Variants in ADGRB3 observed in about 807,000 individuals in gnomAD.
ADGRB3 encodes the protein brain-specific angiogenesis inhibitor 3.
ADGRB3 carries 37 observed loss-of-function variants against 193.4 expected under a neutral mutation model. That is an observed-to-expected ratio of 0.19 (90% CI 0.15 to 0.25). The LOEUF (loss-of-function observed/expected upper bound fraction) is 0.25, where lower values mean the gene tolerates loss of function less well. Ranked by LOEUF, ADGRB3 falls within the 10% of genes least tolerant of loss-of-function variation. ADGRB3 has a pLI of 1.00. For missense variants in ADGRB3, 1,637 were observed against 1,852.9 expected, an observed-to-expected ratio of 0.88 and a Z score of 2.14; for synonymous variants, 690 against 644.2, an observed-to-expected ratio of 1.07 and a Z score of -1.08.
Position 69,275,822 on chromosome 6 carries a change from G to C in ADGRB3, c.2814+36596G>C, listed in dbSNP as rs183838171. Reference sequence around the variant, plus strand: ...AAATACTTACTTATGATAGCCTCTTGAGTGTTTTGAGACTAATGGAATTTC... The same window carrying C: ...AAATACTTACTTATGATAGCCTCTTCAGTGTTTTGAGACTAATGGAATTTC... On this transcript the variant is annotated intron_variant, in intron 20 of 31. Transcript: ENST00000370598. 1.4e-3 allele frequency among the ~76,000 whole-genome samples: 212 copies of C among 152,148 alleles called. 1 individual carries two copies. The highest frequency in any genetic ancestry group is 4.8e-3 in the African/African-American group (200 of 41,518).
chr6:68,691,777 A>G (rs555275582), intron 3 of ADGRB3, among the ~76,000 whole-genome samples: 1 of 151,800 alleles, frequency 6.6e-6, no homozygotes, highest in Non-Finnish European at 1.5e-5. Flanking sequence ...AGCATTTGTT[A>G]AAGTACCAAT....
chr6:69,000,242 A>G (rs957215353), intron 11 of ADGRB3, among the ~76,000 whole-genome samples: 1 of 152,240 alleles, frequency 6.6e-6, no homozygotes, highest in African/African-American at 2.4e-5. Flanking sequence ...TGTGATAGGT[A>G]TAGTCTATAA....
intron 17 of ADGRB3, among the ~76,000 whole-genome samples, chr6:69,141,066 ATGAAG>A (rs1048735386): frequency 6.6e-6 from 1 of 150,684 alleles, no homozygotes; most frequent in African/African-American, 2.4e-5. Context: ...GAGAAAAAAA[ATGAAG>A]TGAAAGAAAG....
chr6:69,127,586 TAA>T (rs1287381784), intron 17 of ADGRB3, among the ~76,000 whole-genome samples: 1 of 152,196 alleles, frequency 6.6e-6, no homozygotes, highest in Non-Finnish European at 1.5e-5. Context: ...GGATAAAATA[TAA>T]ATTACTCAAA....
chr6:68,981,842 TTTG>T (rs1242491665), intron 10 of ADGRB3, among the ~76,000 whole-genome samples: 2 of 144,686 alleles, frequency 1.4e-5, no homozygotes, highest in African/African-American at 5.2e-5. Context: ...CAATACCTAT[TTTG>T]TTATTTATTT....
At chr6:69,186,708 CT>C (rs1268343396) in intron 17 of ADGRB3, among the ~76,000 whole-genome samples, 1 of 152,132 alleles carries the variant, frequency 6.6e-6, no homozygotes, top group African/African-American at 2.4e-5. Flanking sequence ...TTCCTCAAAT[CT>C]GTCTTTCAGA....
intron 3 of ADGRB3, among the ~76,000 whole-genome samples, chr6:68,861,606 C>T (rs766506156): frequency 1.3e-5 from 2 of 152,124 alleles, no homozygotes; most frequent in Non-Finnish European, 2.9e-5. Context: ...TGTCAGTATA[C>T]AACAGTTATG....
intron 20 of ADGRB3, among the ~76,000 whole-genome samples, chr6:69,271,098 T>C (rs1411919525): frequency 6.6e-6 from 1 of 152,136 alleles, no homozygotes; most frequent in South Asian, 2.1e-4. Flanking sequence ...ATTGTTCTGT[T>C]AAAAATAAGA....
At chr6:68,679,938 C>G (rs1212098456) in intron 3 of ADGRB3, among the ~76,000 whole-genome samples, 1 of 152,026 alleles carries the variant, frequency 6.6e-6, no homozygotes, top group Non-Finnish European at 1.5e-5. Flanking sequence ...AAGTCCTAAT[C>G]CCAACGGAAG....
At chr6:68,897,816 AAAGG>A (rs1766279305) in intron 3 of ADGRB3, among the ~76,000 whole-genome samples, 2 of 150,476 alleles carry the variant, frequency 1.3e-5, no homozygotes, top group Non-Finnish European at 3.0e-5. Flanking sequence ...AGAAAGAAGA[AAAGG>A]AAGGAAGGAG....
chr6:68,755,804 A>G (rs2127349017), intron 3 of ADGRB3, among the ~76,000 whole-genome samples: 1 of 152,300 alleles, frequency 6.6e-6, no homozygotes, highest in South Asian at 2.1e-4. Flanking sequence ...ATATTTTCTT[A>G]GGAATATACT....
chr6:69,276,197 T>C (rs1253204176), intron 20 of ADGRB3, among the ~76,000 whole-genome samples: 2 of 152,204 alleles, frequency 1.3e-5, no homozygotes, highest in Admixed American at 1.3e-4. Flanking sequence ...CGTATTTCTG[T>C]GAAATGTCTC....
chr6:69,333,963 A>G (rs1213706481), intron 24 of ADGRB3, among the ~76,000 whole-genome samples: 1 of 63,530 alleles, frequency 1.6e-5, no homozygotes, highest in Non-Finnish European at 3.2e-5. Flanking sequence ...AAATAAAATA[A>G]AATAAAATAA....
chr6:69,260,146 G>C (rs1280372929), intron 20 of ADGRB3, among the ~76,000 whole-genome samples: 1 of 152,132 alleles, frequency 6.6e-6, no homozygotes, highest in East Asian at 1.9e-4. Context: ...AGATTTGAAG[G>C]AGGAACACAT....
At chr6:68,697,933 TTAA>T (rs1765183241) in intron 3 of ADGRB3, among the ~76,000 whole-genome samples, 1 of 151,596 alleles carries the variant, frequency 6.6e-6, no homozygotes, top group Non-Finnish European at 1.5e-5. Flanking sequence ...TAAAATTGAA[TTAA>T]TAATATCTTT....
chr6:69,101,557 G>A (rs993702560), intron 17 of ADGRB3, among the ~76,000 whole-genome samples: 1 of 150,636 alleles, frequency 6.6e-6, no homozygotes, highest in African/African-American at 2.4e-5. Context: ...TTTTATTTAG[G>A]CTTTTATTTG....
At chr6:68,818,896 G>T (rs1323889647) in intron 3 of ADGRB3, among the ~76,000 whole-genome samples, 2 of 151,718 alleles carry the variant, frequency 1.3e-5, no homozygotes, top group Non-Finnish European at 2.9e-5. Context: ...CAATTTCAAA[G>T]GAATCTTCAG....
At chr6:69,285,849 T>C (rs761095643) in intron 20 of ADGRB3, among the ~76,000 whole-genome samples, 2 of 151,930 alleles carry the variant, frequency 1.3e-5, no homozygotes, top group Non-Finnish European at 2.9e-5. Flanking sequence ...CTGGCCTCTC[T>C]TCTTACTCAT....
chr6:68,827,430 C>T (rs572455624), intron 3 of ADGRB3, among the ~76,000 whole-genome samples: 8 of 149,978 alleles, frequency 5.3e-5, no homozygotes, highest in East Asian at 2.0e-4. Flanking sequence ...AGGGGAGCAG[C>T]GATAAAAGAG....
Sources: allele counts gnomAD v4.1 joint callset (sites outside exome capture counted in the v4.1 genomes callset), GRCh38; gene constraint gnomAD v4.1.1; transcripts MANE v1.5; gene names NCBI Gene and HGNC (gene_info 2026-07-23, HGNC 2026-07-21).